The following ARHGAP24 variants were observed in gnomAD, a reference collection of about 807,000 sequenced individuals.
ARHGAP24 encodes the protein rho GTPase-activating protein 24.
In ARHGAP24, 50 loss-of-function variants were observed where a neutral mutation model predicts 76.4. The observed-to-expected ratio is 0.65, with a 90% CI of 0.52 to 0.83. The LOEUF (loss-of-function observed/expected upper bound fraction) is 0.83. Among genes scored for constraint, ARHGAP24 ranks in the 40% least tolerant of loss-of-function variants. ARHGAP24 has a pLI of 0.00. For synonymous variants in ARHGAP24, 345 were observed against 323.3 expected (o/e 1.07, Z -0.72); for missense variants, 930 against 914.2 (o/e 1.02, Z -0.22).
intron 3 of ARHGAP24, among the ~76,000 whole-genome samples, chr4:85,819,211 G>T (rs1729369058): frequency 6.6e-6 from 1 of 152,190 alleles, no homozygotes; most frequent in Non-Finnish European, 1.5e-5. Flanking sequence ...TTGCCTGGCA[G>T]CAAAAATCAT....
intron 3 of ARHGAP24, among the ~76,000 whole-genome samples, chr4:85,766,302 G>A (rs902839894): frequency 6.6e-6 from 1 of 152,094 alleles, no homozygotes; most frequent in Non-Finnish European, 1.5e-5. Context: ...ATTAAAAGAA[G>A]AGTCGAGAAT....
intron 2 of ARHGAP24, among the ~76,000 whole-genome samples, chr4:85,630,173 A>C (rs1256529721): frequency 1.3e-5 from 2 of 152,118 alleles, no homozygotes; most frequent in Non-Finnish European, 2.9e-5. Flanking sequence ...TGGAGTTTTC[A>C]GCTATAGAAT....
At chr4:85,541,413 A>G in intron 1 of ARHGAP24, among the ~76,000 whole-genome samples, 1 of 120,908 alleles carries the variant, frequency 8.3e-6, no homozygotes, top group African/African-American at 6.4e-5. Flanking sequence ...TCGGCCTCCC[A>G]AAGTGCTGGG....
chr4:85,716,236 G>A (rs1284933532), intron 2 of ARHGAP24, among the ~76,000 whole-genome samples: 1 of 152,034 alleles, frequency 6.6e-6, no homozygotes, highest in African/African-American at 2.4e-5. Context: ...TTTTGGCTCA[G>A]TGATCTGGTA....
intron 3 of ARHGAP24, among the ~76,000 whole-genome samples, chr4:85,910,752 G>T (rs1357167881): frequency 1.3e-5 from 2 of 152,056 alleles, no homozygotes; most frequent in Non-Finnish European, 2.9e-5. Context: ...GGCCTCAGAG[G>T]GTTGGAAGTG....
Position 85,521,604 on chromosome 4 carries a change from G to A in ARHGAP24, c.-21+46045G>A, listed in dbSNP as rs374671991. Among the ~76,000 whole-genome samples, 49 of 152,146 alleles carry A rather than the reference G, an allele frequency of 3.2e-4. 1 individual carries two copies. Among genetic ancestry groups the A allele is most frequent in the African/African-American group, 1.1e-3 (45 of 41,524 alleles). On this transcript the variant is annotated intron_variant, in intron 1 of 9. Transcript: ENST00000395184. ...TCATCACAGCTAATCCCCAGCCTGCGTGCTGTGACATTTCCCACCTTTGAG... is the reference window on the plus strand; with the variant it reads ...TCATCACAGCTAATCCCCAGCCTGCATGCTGTGACATTTCCCACCTTTGAG...
At chr4:85,830,510 G>C (rs1181481589) in intron 3 of ARHGAP24, among the ~76,000 whole-genome samples, 3 of 152,090 alleles carry the variant, frequency 2.0e-5, no homozygotes. Context: ...AAGGCCTTTG[G>C]TAAACTGACA....
chr4:85,729,306 T>A (rs1725299916), intron 3 of ARHGAP24, among the ~76,000 whole-genome samples: 1 of 152,230 alleles, frequency 6.6e-6, no homozygotes, highest in African/African-American at 2.4e-5. Context: ...GAAAGCAGCA[T>A]GTATTAACTA....
At chr4:85,795,142 G>A (rs1214194604) in intron 3 of ARHGAP24, among the ~76,000 whole-genome samples, 1 of 152,176 alleles carries the variant, frequency 6.6e-6, no homozygotes, top group Non-Finnish European at 1.5e-5. Context: ...TTACAGTATT[G>A]CCTACTTCAA....
rs553374324 is a variant in ARHGAP24, at chr4:85,618,807, C to A, written c.180+48086C>A. On this transcript the variant is annotated intron_variant, in intron 2 of 9. Transcript: ENST00000395184. ...GTGAAATGTCTATTCAAGTTTTTACCCGTTTTTAATTGAGTAATTTGTTTT... is the reference window on the plus strand; with the variant it reads ...GTGAAATGTCTATTCAAGTTTTTACACGTTTTTAATTGAGTAATTTGTTTT... Among the ~76,000 whole-genome samples, 7 of 151,918 alleles carry A rather than the reference C, an allele frequency of 4.6e-5. No homozygotes were observed. The East Asian group carries it at 1.2e-3, about 25-fold the overall frequency.
chr4:85,661,823 C>T (rs1393845655), intron 2 of ARHGAP24, among the ~76,000 whole-genome samples: 2 of 152,022 alleles, frequency 1.3e-5, no homozygotes, highest in African/African-American at 2.4e-5. Flanking sequence ...CAATTTCATC[C>T]ATGTCCCTAC....
intron 2 of ARHGAP24, among the ~76,000 whole-genome samples, chr4:85,654,667 T>C (rs1722075813): frequency 6.6e-6 from 1 of 152,144 alleles, no homozygotes; most frequent in African/African-American, 2.4e-5. Context: ...AAATTGAAAA[T>C]CTGAGACTAT....
At chr4:85,916,203 C>T (rs1578383918) in intron 3 of ARHGAP24, among the ~76,000 whole-genome samples, 1 of 152,118 alleles carries the variant, frequency 6.6e-6, no homozygotes, top group East Asian at 1.9e-4. Context: ...TTGTTGGCCG[C>T]ATAAATGTCT....
rs112143903 is a variant in ARHGAP24, at chr4:85,937,504, A to G, written c.392-4562A>G. Among the ~76,000 whole-genome samples the G allele has an allele frequency of 4.8e-3, 730 of 152,332 alleles. 13 individuals are homozygous for G. The highest frequency in any genetic ancestry group is 0.017 in the African/African-American group (687 of 41,570). On this transcript the variant is annotated intron_variant, in intron 4 of 9. Coordinates refer to ENST00000395184, the MANE Select transcript of ARHGAP24 (RefSeq NM_001025616.3). ...ACAAACCTGAGAATAATTAATATGT[A>G]GTGAAATTAAGTGGAGTCTAGTAGA...
chr4:85,840,546 T>C (rs537486851), intron 3 of ARHGAP24, among the ~76,000 whole-genome samples: 1 of 152,298 alleles, frequency 6.6e-6, no homozygotes, highest in Non-Finnish European at 1.5e-5. Flanking sequence ...TTTCATATAA[T>C]TTGTCTGTCC....
intron 2 of ARHGAP24, among the ~76,000 whole-genome samples, chr4:85,703,364 G>T (rs1353056817): frequency 6.6e-6 from 1 of 152,146 alleles, no homozygotes; most frequent in Non-Finnish European, 1.5e-5. Flanking sequence ...CACCCAGTAA[G>T]GATGAAGTAC....
chr4:85,675,336 C>T (rs1722944845), intron 2 of ARHGAP24, among the ~76,000 whole-genome samples: 1 of 152,178 alleles, frequency 6.6e-6, no homozygotes, highest in Admixed American at 6.5e-5. Flanking sequence ...CTTTCTAGTC[C>T]TCTATGAATG....
chr4:85,514,413 C>T (rs928286039), intron 1 of ARHGAP24, among the ~76,000 whole-genome samples: 1 of 152,074 alleles, frequency 6.6e-6, no homozygotes, highest in African/African-American at 2.4e-5. Context: ...CCTTCTAGTA[C>T]TTTTATGATT....
At chr4:85,797,083 G>T (rs1230160251) in intron 3 of ARHGAP24, among the ~76,000 whole-genome samples, 1 of 152,162 alleles carries the variant, frequency 6.6e-6, no homozygotes, top group Non-Finnish European at 1.5e-5. Context: ...ATTTTCTTCT[G>T]CAGTGTCTCT....
Sources: allele counts gnomAD v4.1 joint callset (sites outside exome capture counted in the v4.1 genomes callset), GRCh38; gene constraint gnomAD v4.1.1; transcripts MANE v1.5; gene names NCBI Gene and HGNC (gene_info 2026-07-23, HGNC 2026-07-21).